KLRG1: variants seen among roughly 807,000 people sequenced by gnomAD.
KLRG1 encodes killer cell lectin-like receptor subfamily G member 1.
A neutral mutation model predicts 21.8 loss-of-function variants in KLRG1; 16 were observed. The ratio of observed to expected loss-of-function variants is 0.73; its 90% CI spans 0.50 to 1.11. The LOEUF (loss-of-function observed/expected upper bound fraction) is 1.11, where lower values mean the gene tolerates loss of function less well. Ranked by LOEUF, KLRG1 falls within the 50% of genes most tolerant of loss-of-function variation. The pLI, the probability that KLRG1 is intolerant of heterozygous loss-of-function variation, is 0.00. For missense variants in KLRG1, 173 were observed against 218.3 expected (o/e 0.79, Z 1.31); for synonymous variants, 69 against 75.9 (o/e 0.91, Z 0.47).
At chr12:9,077,007 G>A in the KLRG1 span, 6 of 1,411,014 alleles carry the variant, frequency 4.3e-6, no homozygotes, top group African/African-American at 2.9e-5. Flanking sequence ...GCAAATACAC[G>A]GATCACAGCA....
At chr12:9,059,265 AC>A in the KLRG1 span, among the ~76,000 whole-genome samples, 1 of 152,206 alleles carries the variant, frequency 6.6e-6, no homozygotes, top group African/African-American at 2.4e-5. Flanking sequence ...TGATTTTGGT[AC>A]TTAATTATAT....
the KLRG1 span, among the ~76,000 whole-genome samples, chr12:9,204,327 A>G: frequency 1.3e-5 from 2 of 152,200 alleles, no homozygotes; most frequent in African/African-American, 4.8e-5. Context: ...ACACACATAT[A>G]TAAAAAATTG....
chr12:9,029,179 G>T, the KLRG1 span: 1 of 256,998 alleles, frequency 3.9e-6, no homozygotes, highest in Non-Finnish European at 7.5e-6. Context: ...CAATTTTCAA[G>T]AATACAATAC....
At chr12:9,163,678 A>T in the KLRG1 span, 3 of 1,613,642 alleles carry the variant, frequency 1.9e-6, no homozygotes, top group Non-Finnish European at 2.5e-6. Context: ...CTCCACCAAC[A>T]GGGTTTTGAT....
chr12:9,178,831 G>T, the KLRG1 span, among the ~76,000 whole-genome samples: 17 of 152,190 alleles, frequency 1.1e-4, no homozygotes, highest in Non-Finnish European at 1.9e-4. Context: ...GGGGGCACTA[G>T]TGGATATGCT....
chr12:9,103,283 G>A, the KLRG1 span, among the ~76,000 whole-genome samples: 4 of 152,108 alleles, frequency 2.6e-5, no homozygotes, highest in Non-Finnish European at 4.4e-5. Context: ...TGTTAGTATT[G>A]CAATCATTTT....
chr12:9,208,048 AT>A, the KLRG1 span, among the ~76,000 whole-genome samples: 1 of 152,204 alleles, frequency 6.6e-6, no homozygotes, highest in Non-Finnish European at 1.5e-5. Context: ...GACTAATCGT[AT>A]TTATGACTCT....
At chr12:9,157,095 G>C in the KLRG1 span, 13 of 1,385,750 alleles carry the variant, frequency 9.4e-6, no homozygotes, top group Non-Finnish European at 1.3e-5. Context: ...GCACCTCCCA[G>C]ACAGGCCCCA....
chr12:9,112,042 G>C, the KLRG1 span: 12 of 952,682 alleles, frequency 1.3e-5, no homozygotes, highest in East Asian at 2.9e-4. Flanking sequence ...TGTAATGCCA[G>C]AAGTTACTGT....
At chr12:9,072,806 C>T in the KLRG1 span, 1 of 1,614,188 alleles carries the variant, frequency 6.2e-7, no homozygotes, top group African/African-American at 1.3e-5. Context: ...CCTGTGCAGC[C>T]TTCCCAGTCC....
At chr12:9,015,208 C>T (rs749457400), downstream of KLRG1, among the ~76,000 whole-genome samples, 2 of 152,126 alleles carry the variant, frequency 1.3e-5, no homozygotes, top group Admixed American at 6.5e-5. Flanking sequence ...AATCAAAAGA[C>T]AGAGTGGCTG....
chr12:9,192,313 C>T, the KLRG1 span: 1 of 1,526,060 alleles, frequency 6.6e-7, no homozygotes, highest in Non-Finnish European at 9.1e-7. Flanking sequence ...TCTCAGCCTT[C>T]TATTCCCCAC....
chr12:9,111,678 A>T, the KLRG1 span: 220 of 383,840 alleles, frequency 5.7e-4, 1 homozygote, highest in Admixed American at 2.3e-3. Context: ...TGGGAGAGAA[A>T]AATGAAGACT....
chr12:9,182,472 A>G, the KLRG1 span, among the ~76,000 whole-genome samples: 1 of 152,216 alleles, frequency 6.6e-6, no homozygotes, highest in African/African-American at 2.4e-5. Flanking sequence ...GTGATTCTCA[A>G]TTTAAATATA....
the KLRG1 span, chr12:9,194,351 A>C: frequency 1.2e-6 from 1 of 843,590 alleles, no homozygotes; most frequent in East Asian, 2.6e-5. Context: ...CCCCTCAAAA[A>C]AACCCCACCA....
At chr12:9,169,702 T>G in the KLRG1 span, 1 of 1,037,696 alleles carries the variant, frequency 9.6e-7, no homozygotes, top group Non-Finnish European at 1.3e-6. Flanking sequence ...AGTACGTTCA[T>G]GTAGTTGGTA....
chr12:8,988,089 GC>G (rs1946874831), upstream of KLRG1, among the ~76,000 whole-genome samples: 1 of 152,174 alleles, frequency 6.6e-6, no homozygotes, highest in Non-Finnish European at 1.5e-5. Flanking sequence ...TGTCTGCGCA[GC>G]CTAGAACTTG....
the KLRG1 span, among the ~76,000 whole-genome samples, chr12:9,184,836 A>G: frequency 6.6e-5 from 10 of 152,314 alleles, no homozygotes; most frequent in South Asian, 8.3e-4. Flanking sequence ...CACTGCCCCC[A>G]AATCTTCTGG....
At chr12:9,172,348 C>T in the KLRG1 span, among the ~76,000 whole-genome samples, 14 of 152,110 alleles carry the variant, frequency 9.2e-5, 1 homozygote, top group South Asian at 4.1e-4. Flanking sequence ...GAAAGCACTA[C>T]GTTTGGAAAA....
Sources: gnomAD v4.1 joint callset for allele counts (sites outside exome capture counted in the v4.1 genomes callset) on GRCh38, gnomAD v4.1.1 for gene constraint, MANE v1.5 for transcripts, NCBI Gene and HGNC (gene_info 2026-07-23, HGNC 2026-07-21) for gene names.